Variants in ABCG8 observed in about 807,000 individuals in gnomAD.
ABCG8 encodes ATP-binding cassette sub-family G member 8.
ABCG8 carries 81 observed loss-of-function variants against 71.3 expected under a neutral mutation model. The ratio of observed to expected loss-of-function variants is 1.14; its 90% confidence interval spans 0.95 to 1.37. The LOEUF is 1.37. Ranked by LOEUF, ABCG8 falls within the 40% of genes most tolerant of loss-of-function variation. The pLI, the probability that ABCG8 is intolerant of heterozygous loss-of-function variation, is 0.00. For synonymous variants in ABCG8, 451 were observed against 354.7 expected, an observed-to-expected ratio of 1.27 and a Z score of -3.05; for missense variants, 1,119 against 866.2, an observed-to-expected ratio of 1.29 and a Z score of -3.66.
In ABCG8 at chr2:43,882,223, T is replaced by G. The variant is rs1335677842; in HGVS notation, c.*4310T>G. On this transcript the variant is annotated 3_prime_UTR_variant, in exon 13 of 13. Transcript: ENST00000272286. The stretch of plus-strand genomic sequence containing the variant: ...AATCTTGCCCTGGGTTAAACCAGTC[T>G]ACAGAGGTAGATCTCGCATTTGCTT... 1 of 152,252 alleles carries G rather than the reference T, an allele frequency of 6.6e-6. No individual in the cohort carries two copies. Among genetic ancestry groups the G allele is most frequent in the Non-Finnish European group, 1.5e-5 (1 of 68,048 alleles). The allele number at this position is 152,252 out of a possible 1,614,324, so 9.4% of individuals were successfully genotyped here.
intron 10 of ABCG8, 110 bp downstream of exon 10, chr2:43,874,593 A>C (rs559603834): frequency 7.0e-5 from 63 of 894,322 alleles, no homozygotes; most frequent in Admixed American, 1.7e-4. Flanking sequence ...GCCGTGGGTC[A>C]TGTGAAGTCA....
rs1403754278 is a variant in ABCG8 at position 43,871,958 on chromosome 2, C to CCCTGCTT, written c.965-18_965-17insCCTGCTT. The CCCTGCTT allele has an allele frequency of 1.2e-6, 2 of 1,613,814 alleles. No individual in the cohort carries two copies. The highest frequency in any genetic ancestry group is 2.7e-5 in the African/African-American group (2 of 74,930). ...CCAGGGAACAGGCCACCTGTGACTC[C>CCCTGCTT]ACATCCCCTGCTTGCAGTGGACCTG... On this transcript the variant is annotated splice_polypyrimidine_tract_variant and intron_variant, in intron 6 of 12. Transcript: ENST00000272286.
intron 6 of ABCG8, among the ~76,000 whole-genome samples, chr2:43,858,167 G>C (rs1041180082): frequency 1.3e-5 from 2 of 148,540 alleles, no homozygotes; most frequent in African/African-American, 4.9e-5. Flanking sequence ...TCTGGATAGA[G>C]TTCTCACCAT....
intron 1 of ABCG8, among the ~76,000 whole-genome samples, chr2:43,842,416 G>A (rs781429458): frequency 1.1e-4 from 16 of 152,170 alleles, no homozygotes; most frequent in East Asian, 3.9e-4. Flanking sequence ...GGGCAAGGCC[G>A]AAGGGCTGAT....
At chr2:43,846,515 G>A (rs1668748521) in intron 3 of ABCG8, 5 of 713,796 alleles carry the variant, frequency 7.0e-6, no homozygotes, top group Non-Finnish European at 1.2e-5. Context: ...AGGTGCTGTT[G>A]TTAAGAGTCA....
At chr2:43,860,824 G>T (rs188428047) in intron 6 of ABCG8, among the ~76,000 whole-genome samples, 21 of 143,908 alleles carry the variant, frequency 1.5e-4, no homozygotes, top group Admixed American at 9.6e-4. Flanking sequence ...CTATCTGTCT[G>T]TATAGAATTC....
rs1438048391 is a variant in ABCG8, at chr2:43,881,070, T to A, written c.*3157T>A. The A allele has an allele frequency of 6.6e-6, 1 of 152,252 alleles. No individual in the cohort carries two copies. The highest frequency in any genetic ancestry group is 1.9e-4 in the East Asian group (1 of 5,198). 9.4% of individuals were successfully genotyped at this position (152,252 alleles called of 1,614,324 possible). On this transcript the variant is annotated 3_prime_UTR_variant, in exon 13 of 13. Coordinates refer to ENST00000272286, the MANE Select transcript of ABCG8 (RefSeq NM_022437.3). The stretch of plus-strand genomic sequence containing the variant: ...AAGGATGAAGAGGACATTGGTAGCT[T>A]GCCTTAACTCCCCAGGTAATTCTAA...
Position 43,873,859 on chromosome 2 carries a change from A to C in ABCG8, c.1284A>C (p.Ser428=). ...LIHGAEACLM[S]MTIGFLYFGH... ...ATGGGGCGGAGGCCTGTCTGATGTC[A>C]ATGACCATCGGCTTCCTCTATTTTG... is the stretch of plus-strand genomic sequence containing the variant. The change falls in exon 9 of 13, where the codon TCA becomes TCC. Residue 428 remains serine (S), a synonymous_variant. Transcript: ENST00000272286. The C allele has an allele frequency of 6.2e-7, 1 of 1,613,928 alleles. No individual in the cohort carries two copies. Among genetic ancestry groups the C allele is most frequent in the Non-Finnish European group, 8.5e-7 (1 of 1,179,974 alleles).
chr2:43,875,228 G>T lies in ABCG8; in HGVS notation c.1571G>T (p.Gly524Val). 1 of 1,614,202 alleles carries T rather than the reference G, an allele frequency of 6.2e-7. No individual in the cohort carries two copies. The highest frequency in any genetic ancestry group is 1.1e-5 in the South Asian group (1 of 91,090). Residue 524 changes from glycine (G) to valine (V), a missense_variant, in exon 11 of 13, where the codon GGC becomes GTC. Coordinates refer to ENST00000272286, the MANE Select transcript of ABCG8 (RefSeq NM_022437.3). The stretch of plus-strand genomic sequence containing the variant: ...TACTGGCTGGCCAACCTGAGGCCAG[G>T]CCTCCAGCCCTTCCTGCTGCACTTC... ...PTYWLANLRP[G>V]LQPFLLHFLL... is the part of the protein sequence containing the mutation.
At chr2:43,840,729 G>C (rs369349381) in intron 1 of ABCG8, among the ~76,000 whole-genome samples, 3 of 152,252 alleles carry the variant, frequency 2.0e-5, no homozygotes, top group African/African-American at 7.2e-5. Context: ...GCGCTGGTAC[G>C]GGGGAGCCAC....
chr2:43,846,622 G>C (rs1479228630), intron 3 of ABCG8: 2 of 389,462 alleles, frequency 5.1e-6, no homozygotes, highest in Non-Finnish European at 4.9e-6. Context: ...AGCATGTAAT[G>C]TTCTTTTCAG....
intron 11 of ABCG8, 148 bp downstream of exon 11, chr2:43,875,561 G>C: frequency 1.0e-6 from 1 of 972,714 alleles, no homozygotes; most frequent in Non-Finnish European, 1.5e-6. Flanking sequence ...CCACTGCCCT[G>C]GAGGCCAAAG....
chr2:43,852,886 G>C lies in ABCG8; in HGVS notation c.964+18G>C. 6.2e-7 allele frequency: 1 copy of C among 1,613,050 alleles called. No individual in the cohort carries two copies. Among genetic ancestry groups the C allele is most frequent in the Non-Finnish European group, 8.5e-7 (1 of 1,179,954 alleles). Reference sequence around the variant, plus strand: ...CTTCTATGGTGAGTCCCCAAGGCCAGCAGCCAGGGCCCTGGCACACAGGGC... The same window carrying C: ...CTTCTATGGTGAGTCCCCAAGGCCACCAGCCAGGGCCCTGGCACACAGGGC... On this transcript the variant is annotated intron_variant, in intron 6 of 12. Coordinates refer to ENST00000272286, the MANE Select transcript of ABCG8 (RefSeq NM_022437.3).
rs1668464811 is a variant in ABCG8 at position 43,839,103 on chromosome 2, C to A, written c.50C>A (p.Pro17His). 4 of 1,551,268 alleles carry A rather than the reference C, an allele frequency of 2.6e-6. No homozygotes were observed. Among genetic ancestry groups the A allele is most frequent in the Non-Finnish European group, 3.5e-6 (4 of 1,146,798 alleles). ...EERGLPKGAT[P>H]QDTSGLQDRL... ...AGAGGGCTGCCGAAAGGGGCCACTC[C>A]CCAGGATACCTCGGTGAGTGAGCAA... The change falls in exon 1 of 13, where the codon CCC becomes CAC. Residue 17 changes from proline to histidine, a missense_variant. Transcript: ENST00000272286.
chr2:43,865,949 C>A (rs1359669243), intron 6 of ABCG8, among the ~76,000 whole-genome samples: 2 of 151,968 alleles, frequency 1.3e-5, no homozygotes, highest in African/African-American at 2.4e-5. Context: ...TTCTCACCCT[C>A]TTAGGCTACA....
intron 8 of ABCG8, 99 bp downstream of exon 8, chr2:43,872,405 T>C (rs1366666188): frequency 2.1e-5 from 28 of 1,358,966 alleles, no homozygotes; most frequent in Non-Finnish European, 2.9e-5. Flanking sequence ...AAGGAGAAAG[T>C]GAGAGGTAGA....
intron 8 of ABCG8, among the ~76,000 whole-genome samples, chr2:43,872,953 T>C (rs915278551): frequency 2.0e-5 from 3 of 151,614 alleles, no homozygotes; most frequent in Non-Finnish European, 4.4e-5. Flanking sequence ...TCTTTCCTGA[T>C]GTTTCCATGC....
chr2:43,858,358 C>T (rs1182276236), intron 6 of ABCG8, among the ~76,000 whole-genome samples: 1 of 151,700 alleles, frequency 6.6e-6, no homozygotes, highest in South Asian at 2.1e-4. Flanking sequence ...GGGAGGAACT[C>T]TCACTATCTG....
At chr2:43,876,105 G>A (rs1669951075) in intron 11 of ABCG8, among the ~76,000 whole-genome samples, 1 of 152,136 alleles carries the variant, frequency 6.6e-6, no homozygotes, top group Non-Finnish European at 1.5e-5. Flanking sequence ...CATTGTCTCT[G>A]GTGTGGGGCC....
Sources: allele counts gnomAD v4.1 joint callset (sites outside exome capture counted in the v4.1 genomes callset), GRCh38; gene constraint gnomAD v4.1.1; transcripts MANE v1.5; gene names NCBI Gene and HGNC (gene_info 2026-07-23, HGNC 2026-07-21).